Variants in ENAH observed in about 807,000 individuals in gnomAD.
ENAH encodes the protein ENAH actin regulator, also known as protein enabled homolog.
In ENAH, 23 loss-of-function variants were observed where a neutral mutation model predicts 78.7. That is an observed-to-expected ratio of 0.29 (90% CI 0.21 to 0.41). ENAH has a LOEUF of 0.41. Ranked by LOEUF, ENAH falls within the 10% of genes least tolerant of loss-of-function variation. ENAH has a pLI of 1.00. For synonymous variants in ENAH, 226 were observed against 241.0 expected (o/e 0.94, Z 0.58); for missense variants, 544 against 691.0 (o/e 0.79, Z 2.39).
chr1:225,591,737 C>G (rs2096877442), intron 1 of ENAH, among the ~76,000 whole-genome samples: 1 of 137,668 alleles, frequency 7.3e-6, no homozygotes. Flanking sequence ...TGCACTCCAG[C>G]CTGGGCGACA....
intron 3 of ENAH, 73 bp from the exon 4 acceptor site, chr1:225,530,711 G>C (rs2096533613): frequency 8.5e-7 from 1 of 1,170,392 alleles, no homozygotes; most frequent in Non-Finnish European, 1.3e-6. Flanking sequence ...AAAATCATGA[G>C]AATAACATAA....
intron 1 of ENAH, among the ~76,000 whole-genome samples, chr1:225,646,964 C>T (rs1162584461): frequency 1.3e-5 from 2 of 151,810 alleles, no homozygotes; most frequent in African/African-American, 4.8e-5. Context: ...CGGTGACTCA[C>T]GCCTATAATC....
intron 1 of ENAH, among the ~76,000 whole-genome samples, chr1:225,601,119 C>CA (rs1488658221): frequency 6.6e-6 from 1 of 152,134 alleles, no homozygotes; most frequent in Admixed American, 6.5e-5. Context: ...ACAGAACTGT[C>CA]AGAGAAAAAT....
At chr1:225,614,723 CAA>C (rs2097014794) in intron 1 of ENAH, among the ~76,000 whole-genome samples, 1 of 152,146 alleles carries the variant, frequency 6.6e-6, no homozygotes, top group Admixed American at 6.5e-5. Context: ...CATTAGCATA[CAA>C]AAAGACATTT....
intron 3 of ENAH, among the ~76,000 whole-genome samples, chr1:225,553,762 GAGACACACCAGGCCA>G (rs1328644883): frequency 6.6e-6 from 1 of 152,182 alleles, no homozygotes; most frequent in Non-Finnish European, 1.5e-5. Context: ...TCTGGACTTA[GAGACACACCAGGCCA>G]AGTTCTAGTG....
At chr1:225,582,223 G>T (rs563238425) in intron 1 of ENAH, among the ~76,000 whole-genome samples, 1 of 151,900 alleles carries the variant, frequency 6.6e-6, no homozygotes, top group African/African-American at 2.4e-5. Context: ...TTTGCCTTCC[G>T]CCATGACTGT....
chr1:225,554,791 A>G (rs2096658585), intron 3 of ENAH, 115 bp downstream of exon 3: 1 of 880,882 alleles, frequency 1.1e-6, no homozygotes, highest in Admixed American at 2.8e-5. Flanking sequence ...AAAAGTTAAC[A>G]AACATTTGTT....
chr1:225,600,650 G>C (rs2096926060), intron 1 of ENAH, among the ~76,000 whole-genome samples: 1 of 151,470 alleles, frequency 6.6e-6, no homozygotes, highest in Admixed American at 6.6e-5. Context: ...TTGAGCCCAA[G>C]GGTTCAAGAC....
chr1:225,580,829 G>A (rs926058519), intron 1 of ENAH, among the ~76,000 whole-genome samples: 1 of 150,944 alleles, frequency 6.6e-6, no homozygotes, highest in African/African-American at 2.4e-5. Context: ...AAGCCTGGGA[G>A]GGTGGAAGTT....
chr1:225,622,407 G>C (rs1366233031), intron 1 of ENAH, among the ~76,000 whole-genome samples: 3 of 152,092 alleles, frequency 2.0e-5, no homozygotes, highest in African/African-American at 7.2e-5. Context: ...GGGCAATATG[G>C]CAAGACCCCA....
Position 225,652,771 on chromosome 1 carries a change from G to T in ENAH, c.-81C>A, listed in dbSNP as rs540449549. The T allele has an allele frequency of 1.8e-5, 22 of 1,199,092 alleles. No homozygotes were observed. Among genetic ancestry groups the T allele is most frequent in the Middle Eastern group, 2.4e-4 (1 of 4,252 alleles). 74.3% of individuals were successfully genotyped at this position (1,199,092 alleles called of 1,614,324 possible). On this transcript the variant is annotated 5_prime_UTR_variant, in exon 1 of 14. Coordinates refer to ENST00000366843, the MANE Select transcript of ENAH (RefSeq NM_018212.6). ...CCGAGGGGGGGGTCTCTCCTCCAGG[G>T]GTGGGGAGCAGCTCGGAGACGGGAG...
At chr1:225,511,932 G>A (rs775772631) in intron 9 of ENAH, 73 bp from the exon 10 acceptor site, 4 of 955,364 alleles carry the variant, frequency 4.2e-6, no homozygotes, top group South Asian at 3.2e-5. Context: ...TGTTTTACAC[G>A]AACACTTCTA....
intron 1 of ENAH, 99 bp downstream of exon 1, chr1:225,652,587 C>T (rs902396190): frequency 2.6e-6 from 3 of 1,173,256 alleles, no homozygotes; most frequent in African/African-American, 1.6e-5. Flanking sequence ...AGGGGAGACG[C>T]GCCGGGCCGG....
At chr1:225,603,605 C>T (rs1199740515) in intron 1 of ENAH, among the ~76,000 whole-genome samples, 1 of 152,206 alleles carries the variant, frequency 6.6e-6, no homozygotes, top group East Asian at 1.9e-4. Context: ...TTTATTCTAC[C>T]ACAGCCTCAA....
At chr1:225,508,233 T>C (rs201462499) in intron 10 of ENAH, among the ~76,000 whole-genome samples, 1 of 152,088 alleles carries the variant, frequency 6.6e-6, no homozygotes, top group East Asian at 1.9e-4. Context: ...GTACAGTAAG[T>C]TTCCAAGGAA....
intron 11 of ENAH, among the ~76,000 whole-genome samples, chr1:225,506,413 C>T (rs1182435241): frequency 6.6e-6 from 1 of 152,116 alleles, no homozygotes; most frequent in Non-Finnish European, 1.5e-5. Context: ...GTCTCAAATT[C>T]GTGACCTCAA....
intron 1 of ENAH, among the ~76,000 whole-genome samples, chr1:225,568,267 A>G (rs1333488758): frequency 1.3e-5 from 2 of 152,192 alleles, no homozygotes; most frequent in Non-Finnish European, 2.9e-5. Flanking sequence ...CGATGGCTCA[A>G]TGCCTGTAAC....
At chr1:225,555,546 C>G (rs939025390) in intron 2 of ENAH, among the ~76,000 whole-genome samples, 6 of 151,248 alleles carry the variant, frequency 4.0e-5, no homozygotes, top group African/African-American at 1.2e-4. Flanking sequence ...CACACCACTG[C>G]ACTCCAGCCT....
rs148561353 is a variant in ENAH, at chr1:225,508,058, C to T, written c.1472-41G>A. On this transcript the variant is annotated intron_variant, in intron 10 of 13. Coordinates refer to ENST00000366843, the MANE Select transcript of ENAH (RefSeq NM_018212.6). ...ACAAAAGCTATTAAATAAATAAATG[C>T]TTCCAGAGTTATTATAAAACAAATA... 212 of 1,269,760 alleles carry T rather than the reference C, an allele frequency of 1.7e-4. 1 individual carries two copies. The African/African-American group carries it at 2.9e-3, about 18-fold the overall frequency. 78.7% of individuals were successfully genotyped at this position (1,269,760 alleles called of 1,614,324 possible). A position where few individuals can be genotyped will look rare whatever the true frequency, so the allele number is the denominator to read the frequency against.
Sources: gnomAD v4.1 joint callset for allele counts (sites outside exome capture counted in the v4.1 genomes callset) on GRCh38, gnomAD v4.1.1 for gene constraint, MANE v1.5 for transcripts, NCBI Gene and HGNC (gene_info 2026-07-23, HGNC 2026-07-21) for gene names.